Variants in MORC1 observed in about 807,000 individuals in gnomAD.
MORC1 encodes MORC family CW-type zinc finger 1.
In MORC1, 59 loss-of-function variants were observed where a neutral mutation model predicts 134.9. The ratio of observed to expected loss-of-function variants is 0.44; its 90% CI spans 0.35 to 0.54. MORC1 has a LOEUF of 0.54. Ranked by LOEUF, MORC1 falls within the 20% of genes least tolerant of loss-of-function variation. MORC1 has a pLI of 0.00. For synonymous variants in MORC1, 395 were observed against 391.7 expected, an observed-to-expected ratio of 1.01 and a Z score of -0.10; for missense variants, 947 against 1,134.5, an observed-to-expected ratio of 0.83 and a Z score of 2.37.
intron 10 of MORC1, among the ~76,000 whole-genome samples, chr3:109,062,452 G>A (rs144932162): frequency 0.032 from 4,663 of 145,402 alleles, 232 homozygotes; most frequent in African/African-American, 0.11. Flanking sequence ...ACAGAGTCTC[G>A]CTCTATCACC....
chr3:109,036,405 T>C (rs966611367), intron 14 of MORC1, among the ~76,000 whole-genome samples: 4 of 152,148 alleles, frequency 2.6e-5, no homozygotes, highest in African/African-American at 7.2e-5. Context: ...ACAGTGGATA[T>C]CTTTAGAGCA....
intron 13 of MORC1, among the ~76,000 whole-genome samples, chr3:109,055,534 C>T (rs531060838): frequency 3.3e-5 from 5 of 152,206 alleles, no homozygotes; most frequent in Non-Finnish European, 5.9e-5. Flanking sequence ...TTCCACCTTG[C>T]TTTCCTTTCA....
chr3:109,109,371 A>C (rs1951113066), intron 3 of MORC1, among the ~76,000 whole-genome samples: 1 of 152,212 alleles, frequency 6.6e-6, no homozygotes, highest in Non-Finnish European at 1.5e-5. Context: ...AGAATAATAG[A>C]CAACAAATTA....
chr3:108,997,815 T>A (rs1273114123), intron 21 of MORC1, among the ~76,000 whole-genome samples: 1 of 152,092 alleles, frequency 6.6e-6, no homozygotes. Context: ...CAGAGTGAGA[T>A]GTTGCCTGAA....
At chr3:108,983,705 G>C (rs1947817153) in intron 23 of MORC1, among the ~76,000 whole-genome samples, 1 of 152,116 alleles carries the variant, frequency 6.6e-6, no homozygotes, top group Admixed American at 6.6e-5. Context: ...TCTCATCATT[G>C]CAACAGTGAC....
At chr3:109,040,427 GGAAAGAAAGAAAGAAAGAAA>G (rs1214249386) in intron 14 of MORC1, among the ~76,000 whole-genome samples, 4 of 48,396 alleles carry the variant, frequency 8.3e-5, no homozygotes, top group African/African-American at 2.0e-4. Flanking sequence ...AAGGAAGGAA[GGAAAGAAAGAAAGAAAGAAA>G]GAAAGAAAGA....
At chr3:109,034,650 TCTATTA>T (rs575260390) in intron 15 of MORC1, among the ~76,000 whole-genome samples, 14 of 152,192 alleles carry the variant, frequency 9.2e-5, no homozygotes, top group South Asian at 2.1e-4. Flanking sequence ...GATGGCTCTT[TCTATTA>T]CTATTTCACA....
intron 13 of MORC1, among the ~76,000 whole-genome samples, chr3:109,055,605 T>C (rs768132131): frequency 8.5e-5 from 13 of 152,222 alleles, no homozygotes; most frequent in Non-Finnish European, 1.5e-4. Flanking sequence ...AATTGACTTC[T>C]CCAGTTTGCT....
intron 14 of MORC1, among the ~76,000 whole-genome samples, chr3:109,051,750 G>A (rs1267546347): frequency 6.6e-6 from 1 of 152,056 alleles, no homozygotes; most frequent in African/African-American, 2.4e-5. Flanking sequence ...TTAAGAAACA[G>A]GTAGATAGAA....
Position 108,996,286 on chromosome 3 carries a change from G to GCACACACACA in MORC1, c.2187+4261_2187+4270dup, listed in dbSNP as rs66629906. Among the ~76,000 whole-genome samples, 446 of 146,466 alleles carry GCACACACACA rather than the reference G, an allele frequency of 3.0e-3. 1 individual carries two copies. The highest frequency in any genetic ancestry group is 6.4e-3 in the Admixed American group (95 of 14,804). On this transcript the variant is annotated intron_variant, in intron 21 of 27. Coordinates refer to ENST00000232603, the MANE Select transcript of MORC1 (RefSeq NM_014429.4). ...CATGTGCGCGTGCGTGCGCGCGCGC[G>GCACACACACA]CACACACACACACACACACACAACT...
At chr3:109,067,648 G>A (rs751388420) in intron 9 of MORC1, among the ~76,000 whole-genome samples, 19 of 152,228 alleles carry the variant, frequency 1.2e-4, no homozygotes, top group Admixed American at 2.6e-4. Context: ...GACACTTGGC[G>A]CTTCCCAGAA....
chr3:108,995,754 G>A lies in MORC1; in HGVS notation c.2187+4803C>T, dbSNP rs563986862. ...TGAATATGGAGGGAAACGGGCTAAA[G>A]AGAGCTTAGGCTGGGCAAGGCATGG... On this transcript the variant is annotated intron_variant, in intron 21 of 27. Coordinates refer to ENST00000232603, the MANE Select transcript of MORC1 (RefSeq NM_014429.4). 3.3e-5 allele frequency among the ~76,000 whole-genome samples: 5 copies of A among 152,286 alleles called. No homozygotes were observed. In the East Asian group the frequency reaches 9.6e-4, roughly 29 times the overall value.
chr3:109,016,921 C>T (rs370660219), intron 17 of MORC1, among the ~76,000 whole-genome samples: 2 of 152,206 alleles, frequency 1.3e-5, no homozygotes, highest in East Asian at 1.9e-4. Flanking sequence ...CACCTGTGTG[C>T]TGTATTTCTT....
intron 8 of MORC1, among the ~76,000 whole-genome samples, chr3:109,076,519 C>T (rs1213937258): frequency 2.0e-5 from 3 of 152,158 alleles, no homozygotes; most frequent in South Asian, 2.1e-4. Context: ...TATAAAGACA[C>T]GTGCACACGT....
chr3:108,986,853 T>C, intron 22 of MORC1, 27 bp downstream of exon 22: 5 of 1,411,276 alleles, frequency 3.5e-6, no homozygotes, highest in Non-Finnish European at 4.8e-6. Context: ...CTAATATATA[T>C]ATATACATGA....
intron 17 of MORC1, among the ~76,000 whole-genome samples, chr3:109,025,082 A>G (rs1949042603): frequency 1.3e-5 from 2 of 152,222 alleles, no homozygotes; most frequent in East Asian, 3.8e-4. Context: ...TCTTCTGTTC[A>G]GTAATTACCA....
intron 14 of MORC1, among the ~76,000 whole-genome samples, chr3:109,043,081 A>C (rs1442206446): frequency 6.6e-6 from 1 of 151,210 alleles, no homozygotes; most frequent in East Asian, 1.9e-4. Context: ...CTTGAAGAGA[A>C]ATGTGTATAC....
intron 15 of MORC1, among the ~76,000 whole-genome samples, chr3:109,034,621 T>A (rs1559907984): frequency 6.6e-6 from 1 of 152,214 alleles, no homozygotes; most frequent in Non-Finnish European, 1.5e-5. Context: ...TAAATAGTGT[T>A]ACATATTAAA....
chr3:109,042,647 C>T (rs1949580896), intron 14 of MORC1, among the ~76,000 whole-genome samples: 1 of 152,150 alleles, frequency 6.6e-6, no homozygotes, highest in African/African-American at 2.4e-5. Context: ...CATTGCAGCA[C>T]TATTTATAAA....
Sources: allele counts gnomAD v4.1 joint callset (sites outside exome capture counted in the v4.1 genomes callset), GRCh38; gene constraint gnomAD v4.1.1; transcripts MANE v1.5; gene names NCBI Gene and HGNC (gene_info 2026-07-23, HGNC 2026-07-21).